The following SERINC5 variants were observed in gnomAD, a reference collection of about 807,000 sequenced individuals.
SERINC5 encodes serine incorporator 5.
SERINC5 carries 41 observed loss-of-function variants against 63.1 expected under a neutral mutation model. That is an observed-to-expected ratio of 0.65 (90% CI 0.51 to 0.84). The LOEUF (loss-of-function observed/expected upper bound fraction) is 0.84, where lower values mean the gene tolerates loss of function less well. SERINC5 is among the 40% of genes least tolerant of loss of function. SERINC5 has a pLI of 0.00. For missense variants in SERINC5, 523 were observed against 573.0 expected (o/e 0.91, Z 0.89); for synonymous variants, 222 against 215.2 (o/e 1.03, Z -0.28).
At chr5:80,147,374 C>T in intron 9 of SERINC5, 90 bp from the exon 10 acceptor site, 3 of 1,339,542 alleles carry the variant, frequency 2.2e-6, no homozygotes, top group Non-Finnish European at 3.1e-6. Context: ...TGAACCACCT[C>T]CCAGGCCCTT....
rs539807096 is a variant in SERINC5, at chr5:80,129,990, T to C, written c.1238+16100A>G. ...TAGTTGAAAATTAATCACCATTTGA[T>C]AAGTGAAACAAAATTTCCTTAATTA... On this transcript the variant is annotated intron_variant, in intron 11 of 12. Transcript: ENST00000509193. Among the ~76,000 whole-genome samples the C allele has an allele frequency of 4.6e-5, 7 of 152,354 alleles. No homozygotes were observed. In the South Asian group the frequency reaches 1.4e-3, roughly 32 times the overall value.
Position 80,117,642 on chromosome 5 carries a change from GA to G in SERINC5, c.1239-4018del, listed in dbSNP as rs11431034. Reference sequence around the variant, plus strand: ...ATGTACTAGTCTTCCTGTGGCTACTGAAAAAAAAAAAAAAAAAGACCACAAA... The same window carrying G: ...ATGTACTAGTCTTCCTGTGGCTACTGAAAAAAAAAAAAAAAAGACCACAAA... On this transcript the variant is annotated intron_variant, in intron 11 of 12. Transcript: ENST00000509193. Among the ~76,000 whole-genome samples, 456 of 124,530 alleles carry G rather than the reference GA, an allele frequency of 3.7e-3. 6 individuals are homozygous for G. The highest frequency in any genetic ancestry group is 0.012 in the African/African-American group (389 of 33,120). 81.7% of individuals were successfully genotyped at this position (124,530 alleles called of 152,430 possible).
At chr5:80,219,999 G>A (rs1055912194) in intron 1 of SERINC5, among the ~76,000 whole-genome samples, 2 of 152,078 alleles carry the variant, frequency 1.3e-5, no homozygotes, top group East Asian at 1.9e-4. Context: ...CCTGAGGTCA[G>A]GAGTTCAAGA....
chr5:80,200,931 T>C (rs2112485066), intron 2 of SERINC5, among the ~76,000 whole-genome samples: 1 of 151,688 alleles, frequency 6.6e-6, no homozygotes, highest in East Asian at 1.9e-4. Flanking sequence ...CTATCTCTAC[T>C]AAAGAAAGAT....
At chr5:80,145,819 G>A (rs1200882061) in intron 11 of SERINC5, among the ~76,000 whole-genome samples, 1 of 152,166 alleles carries the variant, frequency 6.6e-6, no homozygotes, top group Non-Finnish European at 1.5e-5. Context: ...AGACCAGCCT[G>A]GCCAACATGG....
chr5:80,213,230 G>A lies in SERINC5; in HGVS notation c.28-10177C>T, dbSNP rs906365900. On this transcript the variant is annotated intron_variant, in intron 1 of 11. Transcript: ENST00000507668. ...CACTGTACTCCAGCCTGGGCAACAG[G>A]GCAAGACTGCATCTCAAAGAAAGAA... Among the ~76,000 whole-genome samples the A allele has an allele frequency of 9.4e-5, 4 of 42,342 alleles. No homozygotes were observed. The Admixed American group carries it at 1.3e-3, about 13-fold the overall frequency. The allele number at this position is 42,342 out of a possible 152,430, so 27.8% of individuals were successfully genotyped here.
intron 11 of SERINC5, among the ~76,000 whole-genome samples, chr5:80,131,779 G>C (rs1266311689): frequency 6.6e-6 from 1 of 152,194 alleles, no homozygotes; most frequent in Non-Finnish European, 1.5e-5. Flanking sequence ...TTTGCAATGT[G>C]ATCTTGTCAC....
chr5:80,237,876 G>A (rs1260064427), intron 1 of SERINC5, among the ~76,000 whole-genome samples: 19 of 152,066 alleles, frequency 1.2e-4, no homozygotes, highest in African/African-American at 2.6e-4. Flanking sequence ...AGGCCAAGGC[G>A]GGTGGATCAC....
intron 1 of SERINC5, among the ~76,000 whole-genome samples, chr5:80,228,203 C>A (rs1751253760): frequency 7.1e-6 from 1 of 140,362 alleles, no homozygotes; most frequent in African/African-American, 2.6e-5. Context: ...GCACTACACT[C>A]CAGCCTGGGC....
intron 2 of SERINC5, among the ~76,000 whole-genome samples, chr5:80,183,001 A>T (rs1406624919): frequency 6.6e-6 from 1 of 152,196 alleles, no homozygotes; most frequent in Non-Finnish European, 1.5e-5. Context: ...TGCATGCCAG[A>T]CTTAGCAGTC....
chr5:80,169,656 C>G, intron 5 of SERINC5, 110 bp from the exon 6 acceptor site: 2 of 764,834 alleles, frequency 2.6e-6, no homozygotes, highest in Non-Finnish European at 4.3e-6. Context: ...ATGCTACAGG[C>G]CACAGGCACT....
intron 1 of SERINC5, among the ~76,000 whole-genome samples, chr5:80,227,510 T>C (rs1751221317): frequency 6.6e-6 from 1 of 151,314 alleles, no homozygotes; most frequent in Non-Finnish European, 1.5e-5. Context: ...CCTCTAATCC[T>C]AGCTCTTTGG....
At chr5:80,135,232 C>T (rs560557589), downstream of SERINC5, among the ~76,000 whole-genome samples, 2 of 152,298 alleles carry the variant, frequency 1.3e-5, no homozygotes, top group African/African-American at 4.8e-5. Context: ...CGGGGTTTCA[C>T]CATATTGCCC....
In SERINC5 at chr5:80,147,294, C is replaced by G. The variant is rs750804751; in HGVS notation, c.1054-10G>C. On this transcript the variant is annotated splice_polypyrimidine_tract_variant and intron_variant, in intron 9 of 11. Coordinates refer to ENST00000507668, the MANE Select transcript of SERINC5 (RefSeq NM_001174072.3). ...AACAACAGCGAGCTATCTGTGAAAGCAAAAGCAACAGTCAGGCGGCTTGTG... is the reference window on the plus strand; with the variant it reads ...AACAACAGCGAGCTATCTGTGAAAGGAAAAGCAACAGTCAGGCGGCTTGTG... 14 of 1,605,262 alleles carry G rather than the reference C, an allele frequency of 8.7e-6. No individual in the cohort carries two copies. The Admixed American group carries it at 1.9e-4, about 21-fold the overall frequency.
chr5:80,192,618 C>T (rs1749258788), intron 2 of SERINC5, among the ~76,000 whole-genome samples: 1 of 152,066 alleles, frequency 6.6e-6, no homozygotes, highest in African/African-American at 2.4e-5. Flanking sequence ...ACAAACACAC[C>T]CCATGGAACC....
At chr5:80,168,967 GC>G (rs1747476147) in intron 6 of SERINC5, among the ~76,000 whole-genome samples, 1 of 152,174 alleles carries the variant, frequency 6.6e-6, no homozygotes, top group African/African-American at 2.4e-5. Flanking sequence ...CCCTTCTGCG[GC>G]CCTTTCATTC....
At chr5:80,112,739 G>A (rs1045451520) in intron 12 of SERINC5, among the ~76,000 whole-genome samples, 2 of 152,056 alleles carry the variant, frequency 1.3e-5, no homozygotes, top group African/African-American at 4.8e-5. Flanking sequence ...TTGAACCCAG[G>A]AGTTCAAGAC....
At chr5:80,173,478 C>T (rs933504634) in intron 5 of SERINC5, among the ~76,000 whole-genome samples, 1 of 152,116 alleles carries the variant, frequency 6.6e-6, no homozygotes, top group East Asian at 1.9e-4. Context: ...CGACTGTAGT[C>T]CCAGCTACTT....
intron 1 of SERINC5, chr5:80,255,287 C>A (rs546631325): frequency 2.0e-5 from 3 of 152,582 alleles, no homozygotes; most frequent in Admixed American, 2.0e-4. Flanking sequence ...CCCAGGCAGT[C>A]GTGCTAGTAC....
Sources: allele counts gnomAD v4.1 joint callset (sites outside exome capture counted in the v4.1 genomes callset), GRCh38; gene constraint gnomAD v4.1.1; transcripts MANE v1.5; gene names NCBI Gene and HGNC (gene_info 2026-07-23, HGNC 2026-07-21).